The following GALNTL6 variants were observed in gnomAD, a reference collection of about 807,000 sequenced individuals.
The protein encoded by GALNTL6 is polypeptide N-acetylgalactosaminyltransferase-like 6.
Under a neutral mutation model 73.7 loss-of-function variants are expected in GALNTL6, and 46 were observed. The ratio of observed to expected loss-of-function variants is 0.62; its 90% CI spans 0.49 to 0.80. GALNTL6 has a LOEUF of 0.80. Ranked by LOEUF, GALNTL6 falls within the 30% of genes least tolerant of loss-of-function variation. The pLI is 0.00. For synonymous variants in GALNTL6, 259 were observed against 263.7 expected, an observed-to-expected ratio of 0.98 and a Z score of 0.17; for missense variants, 604 against 755.0, an observed-to-expected ratio of 0.80 and a Z score of 2.34.
intron 8 of GALNTL6, among the ~76,000 whole-genome samples, chr4:172,921,566 C>T (rs998954840): frequency 6.6e-6 from 1 of 152,074 alleles, no homozygotes; most frequent in African/African-American, 2.4e-5. Flanking sequence ...GAGGCCGAGG[C>T]AGGTGGATCA....
chr4:172,973,886 A>G (rs1280471300), intron 10 of GALNTL6, among the ~76,000 whole-genome samples: 2 of 152,248 alleles, frequency 1.3e-5, no homozygotes, highest in Non-Finnish European at 2.9e-5. Flanking sequence ...GAAACGCTCC[A>G]GTAAAACAGA....
At chr4:172,983,925 T>A (rs1276730109) in intron 10 of GALNTL6, among the ~76,000 whole-genome samples, 3 of 134,962 alleles carry the variant, frequency 2.2e-5, no homozygotes, top group Middle Eastern at 3.7e-3. Context: ...CCCGGTTGAT[T>A]TTTTTTTTTT....
At chr4:172,313,193 T>C (rs1740425451) in intron 4 of GALNTL6, among the ~76,000 whole-genome samples, 2 of 144,342 alleles carry the variant, frequency 1.4e-5, no homozygotes, top group South Asian at 4.6e-4. Flanking sequence ...TGGCTTGATC[T>C]CGGCTCACTG....
intron 5 of GALNTL6, among the ~76,000 whole-genome samples, chr4:172,588,304 A>G (rs376330257): frequency 1.3e-5 from 2 of 152,108 alleles, no homozygotes; most frequent in African/African-American, 2.4e-5. Context: ...ATTAAAAAAG[A>G]TCTCCCAGAC....
At chr4:172,178,415 CG>C (rs1560956015) in intron 2 of GALNTL6, among the ~76,000 whole-genome samples, 1 of 152,080 alleles carries the variant, frequency 6.6e-6, no homozygotes, top group Non-Finnish European at 1.5e-5. Flanking sequence ...GCTGTTCCTC[CG>C]CTAGCCCCTC....
intron 2 of GALNTL6, among the ~76,000 whole-genome samples, chr4:172,139,689 T>C (rs1733752416): frequency 6.6e-6 from 1 of 152,232 alleles, no homozygotes; most frequent in African/African-American, 2.4e-5. Flanking sequence ...CCAGGCAAAT[T>C]TGAAAATTTT....
intron 7 of GALNTL6, among the ~76,000 whole-genome samples, chr4:172,866,558 G>T (rs1474237371): frequency 6.6e-6 from 1 of 152,132 alleles, no homozygotes; most frequent in African/African-American, 2.4e-5. Flanking sequence ...GATTATTGTT[G>T]GTTATTGTTA....
intron 2 of GALNTL6, among the ~76,000 whole-genome samples, chr4:172,174,771 C>T (rs765740001): frequency 1.1e-4 from 17 of 151,918 alleles, no homozygotes; most frequent in East Asian, 1.9e-4. Context: ...TCTTGCACAC[C>T]GGGAAGCATA....
At chr4:172,529,613 G>A (rs1356691035) in intron 5 of GALNTL6, among the ~76,000 whole-genome samples, 1 of 152,026 alleles carries the variant, frequency 6.6e-6, no homozygotes, top group Non-Finnish European at 1.5e-5. Flanking sequence ...TTTGTCTTAT[G>A]TGTATTATAT....
intron 5 of GALNTL6, among the ~76,000 whole-genome samples, chr4:172,390,164 T>C (rs967409849): frequency 5.4e-4 from 82 of 152,264 alleles, no homozygotes; most frequent in African/African-American, 1.8e-3. Context: ...ACATAAAATA[T>C]TTTAGGGGCC....
At chr4:172,372,413 T>C (rs1742851714) in intron 5 of GALNTL6, among the ~76,000 whole-genome samples, 1 of 152,186 alleles carries the variant, frequency 6.6e-6, no homozygotes, top group African/African-American at 2.4e-5. Flanking sequence ...AGTATGCCAT[T>C]GACATTATGA....
intron 8 of GALNTL6, among the ~76,000 whole-genome samples, chr4:172,925,175 GT>G (rs199993886): frequency 0.014 from 1,918 of 137,288 alleles, 33 homozygotes; most frequent in African/African-American, 0.041. Flanking sequence ...CCAGGCTTAT[GT>G]TTTTTTTTTT....
intron 7 of GALNTL6, among the ~76,000 whole-genome samples, chr4:172,872,138 T>C (rs1744980486): frequency 6.6e-6 from 1 of 152,200 alleles, no homozygotes; most frequent in South Asian, 2.1e-4. Context: ...ATTTGGGGAT[T>C]CATTTCTGCT....
chr4:172,599,010 G>A (rs1560828517), intron 5 of GALNTL6, among the ~76,000 whole-genome samples: 1 of 152,116 alleles, frequency 6.6e-6, no homozygotes, highest in Non-Finnish European at 1.5e-5. Context: ...GTAGGAGAAA[G>A]GTATGGGAAG....
In GALNTL6 at chr4:172,952,013, CA is replaced by C. The variant is rs779340039; in HGVS notation, c.1150-23del. On this transcript the variant is annotated intron_variant, in intron 9 of 12. Transcript: ENST00000506823. The stretch of plus-strand genomic sequence containing the variant: ...TTTGAATGAATAAACCAATAAATGA[CA>C]TTTTTGTTTTCCTGCTGCACAGAAC... 2.8e-5 allele frequency: 39 copies of C among 1,413,266 alleles called. No individual in the cohort carries two copies. The East Asian group carries it at 5.6e-4, about 20-fold the overall frequency. The allele number at this position is 1,413,266 out of a possible 1,614,324, so 87.5% of individuals were successfully genotyped here. A position where few individuals can be genotyped will look rare whatever the true frequency, so the allele number is the denominator to read the frequency against.
chr4:171,820,123 T>G (rs2110801428), intron 2 of GALNTL6, among the ~76,000 whole-genome samples: 1 of 152,256 alleles, frequency 6.6e-6, no homozygotes, highest in African/African-American at 2.4e-5. Context: ...AAATATGTAC[T>G]TAGACACATA....
intron 5 of GALNTL6, among the ~76,000 whole-genome samples, chr4:172,479,817 T>G (rs889059119): frequency 5.3e-5 from 8 of 152,230 alleles, no homozygotes; most frequent in African/African-American, 1.9e-4. Context: ...TTATGAAGTG[T>G]TTGTGTGCTT....
At chr4:172,432,242 A>C (rs1731483549) in intron 5 of GALNTL6, among the ~76,000 whole-genome samples, 1 of 151,808 alleles carries the variant, frequency 6.6e-6, no homozygotes, top group East Asian at 1.9e-4. Flanking sequence ...ATACTTGAGG[A>C]AACAGGCTCA....
At chr4:172,606,076 C>T (rs1738245242) in intron 5 of GALNTL6, among the ~76,000 whole-genome samples, 1 of 151,914 alleles carries the variant, frequency 6.6e-6, no homozygotes, top group African/African-American at 2.4e-5. Flanking sequence ...CTGCCTTCTG[C>T]GTCTATCATA....
Sources: allele counts gnomAD v4.1 joint callset (sites outside exome capture counted in the v4.1 genomes callset), GRCh38; gene constraint gnomAD v4.1.1; transcripts MANE v1.5; gene names NCBI Gene and HGNC (gene_info 2026-07-23, HGNC 2026-07-21).